The following TYW1 variants were observed in gnomAD, a reference collection of about 807,000 sequenced individuals.
The protein encoded by TYW1 is S-adenosyl-L-methionine-dependent tRNA 4-demethylwyosine synthase TYW1.
In TYW1, 46 loss-of-function variants were observed where a neutral mutation model predicts 96.2. The ratio of observed to expected loss-of-function variants is 0.48; its 90% CI spans 0.38 to 0.61. TYW1 has a LOEUF of 0.61. Ranked by LOEUF, TYW1 falls within the 20% of genes least tolerant of loss-of-function variation. The probability of loss-of-function intolerance (pLI) is 0.00; values close to 1 mark genes in which losing one functional copy is unlikely to be tolerated. For synonymous variants in TYW1, 274 were observed against 323.0 expected (o/e 0.85, Z 1.63); for missense variants, 684 against 909.6 (o/e 0.75, Z 3.19).
Position 67,135,302 on chromosome 7 carries a change from G to GTTTTTTTT in TYW1, c.1698+17697_1698+17704dup, listed in dbSNP as rs869257148. 3.5e-3 allele frequency among the ~76,000 whole-genome samples: 395 copies of GTTTTTTTT among 111,806 alleles called. 38 individuals are homozygous for GTTTTTTTT. The highest frequency in any genetic ancestry group is 0.014 in the African/African-American group (356 of 26,322). 73.3% of individuals were successfully genotyped at this position (111,806 alleles called of 152,430 possible). ...TCTTTTTGAATATGATGTTAAAACA[G>GTTTTTTTT]TTTTTTTTTTTTTTTTTTTTGAGAC... is the stretch of plus-strand genomic sequence containing the variant. On this transcript the variant is annotated intron_variant, in intron 13 of 15. Coordinates refer to ENST00000359626, the MANE Select transcript of TYW1 (RefSeq NM_018264.4).
chr7:67,080,572 G>A (rs1198874159), intron 10 of TYW1, among the ~76,000 whole-genome samples: 1 of 151,880 alleles, frequency 6.6e-6, no homozygotes, highest in Non-Finnish European at 1.5e-5. Context: ...GCTAATTTTT[G>A]TATTTTTAGT....
intron 6 of TYW1, among the ~76,000 whole-genome samples, chr7:67,024,140 C>T (rs1794369991): frequency 6.6e-6 from 1 of 152,010 alleles, no homozygotes; most frequent in Admixed American, 6.6e-5. Context: ...TCCATCATGC[C>T]CTTTCACAGT....
chr7:67,033,762 C>G (rs1794744073), intron 7 of TYW1, among the ~76,000 whole-genome samples: 1 of 149,700 alleles, frequency 6.7e-6, no homozygotes, highest in African/African-American at 2.5e-5. Flanking sequence ...GTGGCGTGAT[C>G]TTGGCTCAGT....
chr7:67,176,266 G>A (rs1194169525), intron 13 of TYW1, among the ~76,000 whole-genome samples: 2 of 152,132 alleles, frequency 1.3e-5, no homozygotes, highest in African/African-American at 4.8e-5. Flanking sequence ...AATTTTAAAG[G>A]ATCTAAATAA....
chr7:67,149,786 A>C (rs2116159444), intron 13 of TYW1, among the ~76,000 whole-genome samples: 1 of 133,666 alleles, frequency 7.5e-6, no homozygotes, highest in African/African-American at 2.7e-5. Flanking sequence ...CTCTATGTTA[A>C]AAACCTGAAG....
intron 10 of TYW1, among the ~76,000 whole-genome samples, chr7:67,073,635 G>T (rs575098846): frequency 2.6e-5 from 4 of 151,570 alleles, no homozygotes; most frequent in Non-Finnish European, 4.4e-5. Context: ...TTAGCTGGGC[G>T]TGGTGGCAGG....
intron 15 of TYW1, among the ~76,000 whole-genome samples, chr7:67,229,309 G>A (rs185880630): frequency 3.7e-4 from 57 of 152,178 alleles, no homozygotes; most frequent in African/African-American, 1.3e-3. Flanking sequence ...AGGCTGAGGC[G>A]GGCGGATCAC....
At chr7:67,136,624 TAGTA>T (rs1020150120) in intron 13 of TYW1, among the ~76,000 whole-genome samples, 3 of 112,312 alleles carry the variant, frequency 2.7e-5, no homozygotes, top group African/African-American at 1.2e-4. Context: ...TACCATATAT[TAGTA>T]TGTGTGTGTG....
intron 3 of TYW1, among the ~76,000 whole-genome samples, chr7:67,005,701 A>G (rs1793555451): frequency 6.6e-6 from 1 of 152,206 alleles, no homozygotes; most frequent in South Asian, 2.1e-4. Context: ...TTCTGACTCC[A>G]GTGTACTCTC....
intron 15 of TYW1, among the ~76,000 whole-genome samples, chr7:67,233,282 A>G (rs1181059241): frequency 7.4e-6 from 1 of 135,894 alleles, no homozygotes; most frequent in East Asian, 2.0e-4. Context: ...TGTTTAATCT[A>G]CCATCTTTAA....
chr7:67,047,205 T>G (rs911543018), intron 7 of TYW1, among the ~76,000 whole-genome samples: 17 of 152,136 alleles, frequency 1.1e-4, no homozygotes, highest in African/African-American at 3.9e-4. Flanking sequence ...AAGGTTGAGA[T>G]TTTTTCATTT....
intron 13 of TYW1, among the ~76,000 whole-genome samples, chr7:67,146,755 A>T (rs1798620811): frequency 6.6e-6 from 1 of 152,254 alleles, no homozygotes; most frequent in African/African-American, 2.4e-5. Context: ...AGTTAGAAAT[A>T]TCTTTTCTTC....
intron 4 of TYW1, among the ~76,000 whole-genome samples, chr7:67,010,317 A>T (rs556253196): frequency 5.3e-5 from 8 of 150,798 alleles, no homozygotes; most frequent in South Asian, 2.1e-4. Flanking sequence ...TTATTTTTTT[A>T]AAATTTATTT....
intron 14 of TYW1, among the ~76,000 whole-genome samples, chr7:67,185,852 G>A (rs992835984): frequency 6.1e-5 from 9 of 148,408 alleles, no homozygotes; most frequent in South Asian, 2.1e-4. Context: ...GCTCATTTCC[G>A]TTTATGGCTT....
At chr7:67,103,170 G>A (rs1156600716) in intron 12 of TYW1, among the ~76,000 whole-genome samples, 2 of 152,200 alleles carry the variant, frequency 1.3e-5, no homozygotes, top group East Asian at 1.9e-4. Flanking sequence ...ACAAAAGCAA[G>A]TCTGAGATCT....
intron 12 of TYW1, among the ~76,000 whole-genome samples, chr7:67,104,310 A>G (rs1163862982): frequency 6.6e-6 from 1 of 152,156 alleles, no homozygotes; most frequent in Non-Finnish European, 1.5e-5. Flanking sequence ...GAAGCACGGC[A>G]GGGGAGGCCT....
intron 6 of TYW1, among the ~76,000 whole-genome samples, chr7:67,021,330 T>C (rs1221190769): frequency 6.6e-6 from 1 of 152,288 alleles, no homozygotes; most frequent in Non-Finnish European, 1.5e-5. Flanking sequence ...TCTGCTACAT[T>C]TTCTTCCCAT....
intron 13 of TYW1, among the ~76,000 whole-genome samples, chr7:67,181,795 G>A (rs1799851414): frequency 6.6e-6 from 1 of 151,876 alleles, no homozygotes; most frequent in Non-Finnish European, 1.5e-5. Flanking sequence ...CCTACTCAAG[G>A]GGTGGGTCTC....
At chr7:67,129,210 C>T (rs1203042425) in intron 13 of TYW1, among the ~76,000 whole-genome samples, 2 of 152,280 alleles carry the variant, frequency 1.3e-5, no homozygotes, top group African/African-American at 2.4e-5. Flanking sequence ...CTGGTTAAAT[C>T]GTTTCTCCTG....
Sources: allele counts gnomAD v4.1 joint callset (sites outside exome capture counted in the v4.1 genomes callset), GRCh38; gene constraint gnomAD v4.1.1; transcripts MANE v1.5; gene names NCBI Gene and HGNC (gene_info 2026-07-23, HGNC 2026-07-21).